CADM2: variants seen among roughly 807,000 people sequenced by gnomAD.
CADM2 encodes cell adhesion molecule 2.
In CADM2, 12 loss-of-function variants were observed where a neutral mutation model predicts 49.8. The ratio of observed to expected loss-of-function variants is 0.24; its 90% CI spans 0.15 to 0.39. The LOEUF is 0.39. Among genes scored for constraint, CADM2 ranks in the 10% least tolerant of loss-of-function variants. The pLI is 1.00. For synonymous variants in CADM2, 214 were observed against 175.4 expected (o/e 1.22, Z -1.74); for missense variants, 378 against 492.3 (o/e 0.77, Z 2.20).
intron 1 of CADM2, among the ~76,000 whole-genome samples, chr3:85,318,942 C>A (rs72921370): frequency 0.079 from 12,043 of 152,108 alleles, 912 homozygotes; most frequent in African/African-American, 0.2. Flanking sequence ...TGACAACGTT[C>A]GGGCTCTTAA....
At chr3:85,212,010 C>A (rs113467191) in intron 1 of CADM2, among the ~76,000 whole-genome samples, 4 of 151,980 alleles carry the variant, frequency 2.6e-5, no homozygotes, top group African/African-American at 9.7e-5. Context: ...GTTGAATTGT[C>A]CCCTTTATCA....
chr3:85,507,375 C>T (rs1280976164), intron 1 of CADM2, among the ~76,000 whole-genome samples: 3 of 151,482 alleles, frequency 2.0e-5, no homozygotes, highest in Non-Finnish European at 4.4e-5. Context: ...TTTTAGTAGA[C>T]ATGGGGTTTC....
chr3:85,735,399 TAGAA>T (rs991843507), intron 2 of CADM2, among the ~76,000 whole-genome samples: 1 of 152,036 alleles, frequency 6.6e-6, no homozygotes, highest in Non-Finnish European at 1.5e-5. Context: ...CCTGTAAGAA[TAGAA>T]AAGCATGAGC....
intron 1 of CADM2, among the ~76,000 whole-genome samples, chr3:85,107,609 TTTTC>T (rs753118590): frequency 0.013 from 1,925 of 148,152 alleles, 23 homozygotes; most frequent in Non-Finnish European, 0.021. Context: ...TTCTCTTTCT[TTTTC>T]TTTCTTTCTT....
chr3:85,471,175 C>T (rs780238788), intron 1 of CADM2, among the ~76,000 whole-genome samples: 10 of 152,058 alleles, frequency 6.6e-5, no homozygotes, highest in South Asian at 4.1e-4. Context: ...GGCTCAGTTT[C>T]GCGTCATCAC....
chr3:85,947,527 A>C (rs75426638), intron 7 of CADM2, among the ~76,000 whole-genome samples: 5,049 of 151,584 alleles, frequency 0.033, 277 homozygotes, highest in African/African-American at 0.12. Context: ...AATATTGGAA[A>C]ATTCATTCTA....
intron 1 of CADM2, among the ~76,000 whole-genome samples, chr3:85,510,341 A>C (rs2040557685): frequency 6.6e-6 from 1 of 152,060 alleles, no homozygotes; most frequent in African/African-American, 2.4e-5. Flanking sequence ...AAATGTGCAA[A>C]TCTGCCTTAA....
chr3:85,614,393 TTAAAA>T (rs900982275), intron 1 of CADM2, among the ~76,000 whole-genome samples: 2 of 151,670 alleles, frequency 1.3e-5, no homozygotes, highest in African/African-American at 4.8e-5. Context: ...TATATACTAG[TTAAAA>T]TAAGTAAACT....
intron 1 of CADM2, among the ~76,000 whole-genome samples, chr3:85,382,040 GA>G: frequency 6.6e-6 from 1 of 151,222 alleles, no homozygotes; most frequent in East Asian, 1.9e-4. Flanking sequence ...GATCAGTTAT[GA>G]AAAAAGAATC....
At chr3:85,810,943 T>C (rs1436947636) in intron 3 of CADM2, among the ~76,000 whole-genome samples, 1 of 152,200 alleles carries the variant, frequency 6.6e-6, no homozygotes, top group East Asian at 1.9e-4. Flanking sequence ...ATTGTATAAT[T>C]ACTACATTTA....
intron 1 of CADM2, among the ~76,000 whole-genome samples, chr3:85,487,909 A>G (rs1391012321): frequency 6.6e-6 from 1 of 152,124 alleles, no homozygotes; most frequent in Non-Finnish European, 1.5e-5. Flanking sequence ...TTTAGTGAGT[A>G]TAAACTGTTG....
intron 1 of CADM2, among the ~76,000 whole-genome samples, chr3:85,423,276 C>A (rs1401645458): frequency 6.6e-6 from 1 of 151,992 alleles, no homozygotes; most frequent in Admixed American, 6.5e-5. Context: ...TTTATATGGG[C>A]ACATTATGGG....
intron 1 of CADM2, among the ~76,000 whole-genome samples, chr3:85,218,887 A>G (rs918561509): frequency 1.4e-4 from 21 of 152,216 alleles, no homozygotes; most frequent in Non-Finnish European, 2.9e-5. Context: ...ACACAGGACT[A>G]TAATCTAGTT....
intron 1 of CADM2, among the ~76,000 whole-genome samples, chr3:85,297,913 T>G (rs1010828256): frequency 1.3e-5 from 2 of 152,058 alleles, no homozygotes; most frequent in African/African-American, 4.8e-5. Flanking sequence ...ATAGGAATCA[T>G]GTAATAAATA....
At chr3:85,381,053 A>G (rs1260148420) in intron 1 of CADM2, among the ~76,000 whole-genome samples, 1 of 152,090 alleles carries the variant, frequency 6.6e-6, no homozygotes, top group Non-Finnish European at 1.5e-5. Context: ...TAACAGAGCT[A>G]GTATTTACTA....
chr3:86,052,227 A>T (rs1296409372), intron 8 of CADM2, among the ~76,000 whole-genome samples: 1 of 152,168 alleles, frequency 6.6e-6, no homozygotes, highest in Admixed American at 6.5e-5. Context: ...TCTATGAAAA[A>T]CACAGTCTGT....
intron 8 of CADM2, among the ~76,000 whole-genome samples, chr3:85,990,013 C>CAAA (rs58178176): frequency 0.03 from 289 of 9,622 alleles, 6 homozygotes; most frequent in Non-Finnish European, 0.042. Flanking sequence ...ACTCCATGTC[C>CAAA]AAAAAAAAAA....
In CADM2 at chr3:85,886,255, C is replaced by A; in HGVS notation, c.457C>A (p.Leu153Met). 6.2e-7 allele frequency: 1 copy of A among 1,613,882 alleles called. No homozygotes were observed. Among genetic ancestry groups the A allele is most frequent in the Non-Finnish European group, 8.5e-7 (1 of 1,179,916 alleles). Reference protein sequence around the residue: ...SPVMEGDLMQLTCKTSGSKPA... With the variant: ...SPVMEGDLMQMTCKTSGSKPA... ...AGTTATGGAGGGTGACTTGATGCAGCTGACTTGCAAAACATCTGGTAGTAA... is the reference window on the plus strand; with the variant it reads ...AGTTATGGAGGGTGACTTGATGCAGATGACTTGCAAAACATCTGGTAGTAA... Residue 153 changes from leucine (L) to methionine (M), a missense_variant, in exon 5 of 10, where the codon CTG becomes ATG. Physicochemically the swap from Leu to Met is conservative, Grantham distance 15 (BLOSUM62 2). Transcript: ENST00000383699.
At chr3:85,710,064 A>G (rs2067071542) in intron 1 of CADM2, among the ~76,000 whole-genome samples, 1 of 152,128 alleles carries the variant, frequency 6.6e-6, no homozygotes. Flanking sequence ...CTCTTTTACT[A>G]CATCCACCAC....
Sources: allele counts gnomAD v4.1 joint callset (sites outside exome capture counted in the v4.1 genomes callset), GRCh38; gene constraint gnomAD v4.1.1; transcripts MANE v1.5; gene names NCBI Gene and HGNC (gene_info 2026-07-23, HGNC 2026-07-21).